The following PKP4 variants were observed in gnomAD, a reference collection of about 807,000 sequenced individuals.
The protein encoded by PKP4 is plakophilin-4.
Under a neutral mutation model 145.1 loss-of-function variants are expected in PKP4, and 90 were observed. The ratio of observed to expected loss-of-function variants is 0.62; its 90% CI spans 0.52 to 0.74. The LOEUF is 0.74. Among genes scored for constraint, PKP4 ranks in the 30% least tolerant of loss-of-function variants. The probability of loss-of-function intolerance (pLI) is 0.00; values close to 1 mark genes in which losing one functional copy is unlikely to be tolerated. For synonymous variants in PKP4, 563 were observed against 577.2 expected, an observed-to-expected ratio of 0.98 and a Z score of 0.35; for missense variants, 1,340 against 1,482.7, an observed-to-expected ratio of 0.90 and a Z score of 1.58.
intron 11 of PKP4, among the ~76,000 whole-genome samples, chr2:158,652,301 G>T (rs1460926611): frequency 6.6e-6 from 1 of 152,192 alleles, no homozygotes; most frequent in African/African-American, 2.4e-5. Flanking sequence ...GGGCAGCACA[G>T]GTCTATACTG....
intron 3 of PKP4, among the ~76,000 whole-genome samples, chr2:158,589,796 G>A (rs975620717): frequency 6.6e-6 from 1 of 152,120 alleles, no homozygotes; most frequent in African/African-American, 2.4e-5. Flanking sequence ...TAAGGACATA[G>A]AGCAACAAGA....
At chr2:158,674,031 A>G in intron 19 of PKP4, 31 bp downstream of exon 19, 1 of 1,179,890 alleles carries the variant, frequency 8.5e-7, no homozygotes, top group Non-Finnish European at 1.3e-6. Context: ...CCTTGGCGAG[A>G]ACCTTTGTGT....
intron 1 of PKP4, among the ~76,000 whole-genome samples, chr2:158,492,109 C>T (rs1284199435): frequency 7.9e-5 from 12 of 151,944 alleles, no homozygotes; most frequent in African/African-American, 2.9e-4. Context: ...GCACCGGGCC[C>T]CTTTTTTTAA....
chr2:158,540,938 A>G (rs888599775), intron 2 of PKP4, among the ~76,000 whole-genome samples: 1 of 152,100 alleles, frequency 6.6e-6, no homozygotes, highest in South Asian at 2.1e-4. Context: ...CCAGTTTACA[A>G]TTCTTTTCAG....
At chr2:158,461,270 A>G (rs565957260) in intron 1 of PKP4, among the ~76,000 whole-genome samples, 13 of 152,354 alleles carry the variant, frequency 8.5e-5, no homozygotes, top group African/African-American at 2.4e-4. Flanking sequence ...GTGATCTTCA[A>G]TTAAACTTAG....
At chr2:158,547,783 A>T (rs2045211526) in intron 2 of PKP4, among the ~76,000 whole-genome samples, 1 of 152,218 alleles carries the variant, frequency 6.6e-6, no homozygotes, top group South Asian at 2.1e-4. Flanking sequence ...TTGGATAGAC[A>T]CTGTTTTACA....
intron 1 of PKP4, among the ~76,000 whole-genome samples, chr2:158,498,816 T>G (rs1201395268): frequency 1.8e-5 from 1 of 55,502 alleles, no homozygotes; most frequent in Non-Finnish European, 4.2e-5. Flanking sequence ...TTGTGAGTGT[T>G]TTTTTTTTTT....
At chr2:158,516,423 G>A (rs953114018) in intron 1 of PKP4, among the ~76,000 whole-genome samples, 7 of 152,100 alleles carry the variant, frequency 4.6e-5, no homozygotes, top group South Asian at 2.1e-4. Flanking sequence ...GAAGTTGTCC[G>A]TGGAGCACAC....
At chr2:158,570,708 G>A (rs1005894172) in intron 2 of PKP4, among the ~76,000 whole-genome samples, 6 of 151,820 alleles carry the variant, frequency 4.0e-5, no homozygotes, top group South Asian at 4.2e-4. Context: ...TTTTTGTCAC[G>A]CAGATAAACA....
intron 9 of PKP4, among the ~76,000 whole-genome samples, chr2:158,637,069 C>T (rs540706606): frequency 5.3e-5 from 8 of 152,016 alleles, no homozygotes; most frequent in Admixed American, 1.3e-4. Context: ...TATATACTGA[C>T]GGTTGTAGAT....
intron 2 of PKP4, among the ~76,000 whole-genome samples, chr2:158,534,151 G>A (rs980939443): frequency 6.6e-6 from 1 of 151,824 alleles, no homozygotes; most frequent in Non-Finnish European, 1.5e-5. Context: ...TCTCAAGATA[G>A]GTAATGTTGT....
intron 3 of PKP4, among the ~76,000 whole-genome samples, chr2:158,601,132 C>G (rs1424091373): frequency 1.3e-5 from 2 of 152,096 alleles, no homozygotes; most frequent in Non-Finnish European, 2.9e-5. Context: ...ATGCTAGGCA[C>G]TTGGTATAAA....
chr2:158,496,947 A>T (rs2105481915), intron 1 of PKP4, among the ~76,000 whole-genome samples: 1 of 152,144 alleles, frequency 6.6e-6, no homozygotes, highest in African/African-American at 2.4e-5. Context: ...CTTTTTCATT[A>T]TATCTTGAAA....
At chr2:158,570,502 T>C (rs1326287604) in intron 2 of PKP4, among the ~76,000 whole-genome samples, 2 of 152,210 alleles carry the variant, frequency 1.3e-5, no homozygotes, top group African/African-American at 2.4e-5. Context: ...AGGCAGAAAG[T>C]AGATTTTTTT....
chr2:158,549,709 A>G (rs536587853), intron 2 of PKP4, among the ~76,000 whole-genome samples: 1 of 152,298 alleles, frequency 6.6e-6, no homozygotes, highest in East Asian at 1.9e-4. Context: ...CGTGTTGACC[A>G]GTATGGAAAG....
intron 1 of PKP4, among the ~76,000 whole-genome samples, chr2:158,520,525 G>A (rs6738665): frequency 0.15 from 22,659 of 152,024 alleles, 1,871 homozygotes; most frequent in Middle Eastern, 0.28. Context: ...TATAAACTTC[G>A]TCTAATACTG....
intron 16 of PKP4, 95 bp from the exon 17 acceptor site, chr2:158,669,625 T>C (rs2057392032): frequency 2.0e-6 from 2 of 1,021,792 alleles, no homozygotes; most frequent in South Asian, 3.2e-5. Flanking sequence ...TTGGGGGTTT[T>C]ATTTTTAAGA....
intron 1 of PKP4, 77 bp downstream of exon 1, chr2:158,457,295 AGGGCCAGGACCTGCGCGCCGGGGGCCGG>A (rs1413035392): frequency 1.3e-5 from 2 of 149,866 alleles, no homozygotes; most frequent in African/African-American, 2.5e-5. Context: ...AACACGCGCC[AGGGCCAGGACCTGCGCGCCGGGGGCCGG>A]GGGCCTCCCT....
In PKP4 at chr2:158,475,925, C is replaced by A. The variant is rs543644476; in HGVS notation, c.-6+18707C>A. Among the ~76,000 whole-genome samples the A allele has an allele frequency of 2.6e-5, 4 of 152,280 alleles. No homozygotes were observed. The East Asian group carries it at 7.7e-4, about 29-fold the overall frequency. The stretch of plus-strand genomic sequence containing the variant: ...ATTTTCAGATATTTAGAATAGTTTT[C>A]TCTAATAGGGACAGTCCACAAAATC... On this transcript the variant is annotated intron_variant, in intron 1 of 21. Transcript: ENST00000389759.
Sources: gnomAD v4.1 joint callset for allele counts (sites outside exome capture counted in the v4.1 genomes callset) on GRCh38, gnomAD v4.1.1 for gene constraint, MANE v1.5 for transcripts, NCBI Gene and HGNC (gene_info 2026-07-23, HGNC 2026-07-21) for gene names.